AAK1: variants seen among roughly 807,000 people sequenced by gnomAD.
The protein encoded by AAK1 is AP2-associated protein kinase 1.
Under a neutral mutation model 116.0 loss-of-function variants are expected in AAK1, and 37 were observed. The ratio of observed to expected loss-of-function variants is 0.32; its 90% CI spans 0.25 to 0.42. The LOEUF is 0.42. Among genes scored for constraint, AAK1 ranks in the 10% least tolerant of loss-of-function variants. The probability of loss-of-function intolerance (pLI) is 1.00; values close to 1 mark genes in which losing one functional copy is unlikely to be tolerated. For synonymous variants in AAK1, 458 were observed against 439.9 expected, an observed-to-expected ratio of 1.04 and a Z score of -0.51; for missense variants, 919 against 1,170.6, an observed-to-expected ratio of 0.79 and a Z score of 3.14.
intron 20 of AAK1, 27 bp from the exon 21 acceptor site, chr2:69,477,017 C>G (rs773280406): frequency 6.7e-7 from 1 of 1,483,586 alleles, no homozygotes; most frequent in Admixed American, 1.8e-5. Context: ...AGTACACAAG[C>G]AGAAACAACA....
At chr2:69,514,392 C>T in intron 13 of AAK1, 79 bp downstream of exon 13, 2 of 1,449,470 alleles carry the variant, frequency 1.4e-6, no homozygotes. Flanking sequence ...CAGCTGCTGC[C>T]ATCTTTCCCA....
intron 2 of AAK1, among the ~76,000 whole-genome samples, chr2:69,632,489 A>G (rs1338812240): frequency 6.6e-6 from 1 of 152,270 alleles, no homozygotes. Context: ...CCAAGGTAGC[A>G]CAAATGACTG....
In AAK1 at chr2:69,469,009, G is replaced by A. The variant is rs1417280030; in HGVS notation, c.*6860C>T. 8 of 985,342 alleles carry A rather than the reference G, an allele frequency of 8.1e-6. No individual in the cohort carries two copies. Among genetic ancestry groups the A allele is most frequent in the African/African-American group, 1.7e-5 (1 of 57,244 alleles). The allele number at this position is 985,342 out of a possible 1,614,324, so 61.0% of individuals were successfully genotyped here. On this transcript the variant is annotated 3_prime_UTR_variant, in exon 22 of 22. Coordinates refer to ENST00000409085, the MANE Select transcript of AAK1 (RefSeq NM_014911.5). Reference sequence around the variant, plus strand: ...ACAAAAACACCAGAATATCAAGTTTGAAGGGAAAATTAGTCTCCTGTCCTT... The same window carrying A: ...ACAAAAACACCAGAATATCAAGTTTAAAGGGAAAATTAGTCTCCTGTCCTT...
intron 5 of AAK1, among the ~76,000 whole-genome samples, chr2:69,537,711 C>G (rs749181713): frequency 6.6e-6 from 1 of 152,188 alleles, no homozygotes; most frequent in Non-Finnish European, 1.5e-5. Flanking sequence ...CCAGGGTGAA[C>G]AGGAGCACTT....
At chr2:69,562,549 C>G (rs1671687242) in intron 2 of AAK1, among the ~76,000 whole-genome samples, 1 of 152,150 alleles carries the variant, frequency 6.6e-6, no homozygotes, top group African/African-American at 2.4e-5. Context: ...ATTCTAAAAT[C>G]TCTTTTACTT....
At chr2:69,594,506 T>C (rs983393267) in intron 2 of AAK1, among the ~76,000 whole-genome samples, 2 of 152,170 alleles carry the variant, frequency 1.3e-5, no homozygotes, top group Non-Finnish European at 2.9e-5. Flanking sequence ...ATGACAGAGG[T>C]GTGTGGTAAT....
chr2:69,473,095 C>A lies in AAK1; in HGVS notation c.*2774G>T. On this transcript the variant is annotated 3_prime_UTR_variant, in exon 22 of 22. Coordinates refer to ENST00000409085, the MANE Select transcript of AAK1 (RefSeq NM_014911.5). ...CTATAATCTTAAAGACCATCTAGTC[C>A]AAACCCATCGTATAACTCTAAGGAA... The A allele has an allele frequency of 1.1e-6, 1 of 919,124 alleles. No individual in the cohort carries two copies. The highest frequency in any genetic ancestry group is 1.3e-6 in the Non-Finnish European group (1 of 769,394). 56.9% of individuals were successfully genotyped at this position (919,124 alleles called of 1,614,324 possible).
chr2:69,481,775 A>G (rs1306027793), intron 18 of AAK1: 1 of 152,162 alleles, frequency 6.6e-6, no homozygotes, highest in Non-Finnish European at 1.5e-5. Context: ...ATGTTTTCTC[A>G]GTTACTGATA....
At chr2:69,568,579 T>C (rs1360737772) in intron 2 of AAK1, among the ~76,000 whole-genome samples, 2 of 151,968 alleles carry the variant, frequency 1.3e-5, no homozygotes, top group East Asian at 1.9e-4. Context: ...TAGAGGTGCA[T>C]GCCACCACAC....
intron 2 of AAK1, among the ~76,000 whole-genome samples, chr2:69,570,815 G>A (rs1209610300): frequency 6.6e-6 from 1 of 152,166 alleles, no homozygotes; most frequent in African/African-American, 2.4e-5. Flanking sequence ...TGATGTACAA[G>A]GCCAATCATA....
chr2:69,465,125 G>C lies in AAK1; in HGVS notation c.*10744C>G. Reference sequence around the variant, plus strand: ...TTTAAACAGTTTCTGTGGGTGGGGCGGGGGGAAAGCAGAGTTCTTGGTGGA... The same window carrying C: ...TTTAAACAGTTTCTGTGGGTGGGGCCGGGGGAAAGCAGAGTTCTTGGTGGA... On this transcript the variant is annotated 3_prime_UTR_variant, in exon 22 of 22. Transcript: ENST00000409085. 1 of 217,406 alleles carries C rather than the reference G, an allele frequency of 4.6e-6. No individual in the cohort carries two copies. Among genetic ancestry groups the C allele is most frequent in the South Asian group, 6.9e-5 (1 of 14,598 alleles). The allele number at this position is 217,406 out of a possible 1,614,324, so 13.5% of individuals were successfully genotyped here. A position where few individuals can be genotyped will look rare whatever the true frequency, so the allele number is the denominator to read the frequency against.
rs926953285 is a variant in AAK1, at chr2:69,473,843, C to T, written c.*2026G>A. 5.1e-6 allele frequency: 5 copies of T among 985,648 alleles called. No homozygotes were observed. Among genetic ancestry groups the T allele is most frequent in the Non-Finnish European group, 6.0e-6 (5 of 829,918 alleles). The allele number at this position is 985,648 out of a possible 1,614,324, so 61.1% of individuals were successfully genotyped here. ...CTTTCTATGTCCAGGAAAGAGAATA[C>T]AATTCTGACCTGCAGCAATTTTCCT... On this transcript the variant is annotated 3_prime_UTR_variant, in exon 22 of 22. Coordinates refer to ENST00000409085, the MANE Select transcript of AAK1 (RefSeq NM_014911.5).
rs1433999840 is a variant in AAK1 at position 69,458,255 on chromosome 2, G to A, written c.*17614C>T. Reference sequence around the variant, plus strand: ...GACCTCAATACTCCTTCTGGCTGGAGAGACCTCCTCATTCAGTCCATTCCA... The same window carrying A: ...GACCTCAATACTCCTTCTGGCTGGAAAGACCTCCTCATTCAGTCCATTCCA... On this transcript the variant is annotated 3_prime_UTR_variant, in exon 22 of 22. Transcript: ENST00000409085. 6.6e-6 allele frequency: 1 copy of A among 152,188 alleles called. No individual in the cohort carries two copies. Among genetic ancestry groups the A allele is most frequent in the Non-Finnish European group, 1.5e-5 (1 of 68,044 alleles). 9.4% of individuals were successfully genotyped at this position (152,188 alleles called of 1,614,324 possible). A position where few individuals can be genotyped will look rare whatever the true frequency, so the allele number is the denominator to read the frequency against.
rs1239141243 is a variant in AAK1, at chr2:69,467,360, G to A, written c.*8509C>T. 4.1e-6 allele frequency: 4 copies of A among 985,292 alleles called. No homozygotes were observed. The African/African-American group carries it at 7.0e-5, about 17-fold the overall frequency. 61.0% of individuals were successfully genotyped at this position (985,292 alleles called of 1,614,324 possible). A position where few individuals can be genotyped will look rare whatever the true frequency, so the allele number is the denominator to read the frequency against. On this transcript the variant is annotated 3_prime_UTR_variant, in exon 22 of 22. Transcript: ENST00000409085. ...TTTCTATCTAGGTAGAGGTGCCTCA[G>A]GGTGCTCTGGCTTTTAAAATCAAAT...
chr2:69,475,922 G>A lies in AAK1; in HGVS notation c.2833C>T (p.Leu945Phe). 1.9e-6 allele frequency: 3 copies of A among 1,612,672 alleles called. No individual in the cohort carries two copies. Among genetic ancestry groups the A allele is most frequent in the Non-Finnish European group, 2.5e-6 (3 of 1,179,452 alleles). Residue 945 changes from leucine (L) to phenylalanine (F), a missense_variant, in exon 22 of 22, where the codon CTT (leucine) becomes TTT (phenylalanine). This residue lies in a region of AAK1 where 263 missense variants were observed against 285.5 expected (regional missense o/e 0.92). Coordinates refer to ENST00000409085, the MANE Select transcript of AAK1 (RefSeq NM_014911.5). Reference protein sequence around the residue: ...RNSSGSSESSLPNLARSLLLV... With the variant: ...RNSSGSSESSFPNLARSLLLV... ...AGTAAAGACCTGGCTAGGTTGGGAAGACTGGACTCAGAGCTCCCACTGCTG... is the reference window on the plus strand; with the variant it reads ...AGTAAAGACCTGGCTAGGTTGGGAAAACTGGACTCAGAGCTCCCACTGCTG...
chr2:69,543,220 C>T (rs1670792884), intron 4 of AAK1, among the ~76,000 whole-genome samples: 3 of 152,138 alleles, frequency 2.0e-5, no homozygotes, highest in Admixed American at 2.0e-4. Flanking sequence ...TATCCAGATG[C>T]CTGGATGCTC....
chr2:69,542,464 C>A, intron 5 of AAK1, 59 bp downstream of exon 5: 1 of 1,594,438 alleles, frequency 6.3e-7, no homozygotes, highest in Non-Finnish European at 8.6e-7. Flanking sequence ...CTACTCCATC[C>A]CTGGGGCAGA....
intron 2 of AAK1, among the ~76,000 whole-genome samples, chr2:69,591,763 G>T (rs1673044903): frequency 6.6e-6 from 1 of 151,984 alleles, no homozygotes; most frequent in Admixed American, 6.6e-5. Context: ...CAGAGACGGG[G>T]TTTCATCATT....
chr2:69,627,157 C>T (rs1403720235), intron 2 of AAK1, among the ~76,000 whole-genome samples: 1 of 151,856 alleles, frequency 6.6e-6, no homozygotes, highest in Non-Finnish European at 1.5e-5. Context: ...GGCGTGGTGG[C>T]GGGCGCCTGT....
Sources: allele counts gnomAD v4.1 joint callset (sites outside exome capture counted in the v4.1 genomes callset), GRCh38; gene constraint gnomAD v4.1.1; regional missense constraint gnomAD v4.1.1; transcripts MANE v1.5; gene names NCBI Gene and HGNC (gene_info 2026-07-23, HGNC 2026-07-21).